The following OTOG variants were observed in gnomAD, a reference collection of about 807,000 sequenced individuals.
OTOG encodes otogelin.
Under a neutral mutation model 313.8 loss-of-function variants are expected in OTOG, and 296 were observed. The ratio of observed to expected loss-of-function variants is 0.94; its 90% CI spans 0.86 to 1.04. The LOEUF is 1.04. Among genes scored for constraint, OTOG ranks in the 50% least tolerant of loss-of-function variants. The pLI is 0.00. For missense variants in OTOG, 3,948 were observed against 3,840.1 expected (o/e 1.03, Z -0.74); for synonymous variants, 1,533 against 1,554.9 (o/e 0.99, Z 0.33).
At chr11:17,634,007 A>G in intron 43 of OTOG, 62 bp from the exon 44 acceptor site, 1 of 1,506,520 alleles carries the variant, frequency 6.6e-7, no homozygotes, top group South Asian at 1.2e-5. Context: ...GGGAGAGTCT[A>G]GCCTGGGAAG....
chr11:17,576,539 C>G lies in OTOG; in HGVS notation c.2487-17C>G. ...TCCTGAGCCTGCTCACCTTTCTTTG[C>G]TCCCATTTTTTTATAGGAACCAGTG... On this transcript the variant is annotated splice_polypyrimidine_tract_variant and intron_variant, in intron 20 of 55. Transcript: ENST00000399397. 1 of 1,546,796 alleles carries G rather than the reference C, an allele frequency of 6.5e-7. No individual in the cohort carries two copies.
In OTOG at chr11:17,570,596, G is replaced by C. The variant is rs971327301; in HGVS notation, c.1955+206G>C. Reference sequence around the variant, plus strand: ...TCCTCTATGTGTGGAATCACCTCAGGAGCTTGTTAAAACACTGATTCCTGA... The same window carrying C: ...TCCTCTATGTGTGGAATCACCTCAGCAGCTTGTTAAAACACTGATTCCTGA... On this transcript the variant is annotated intron_variant, in intron 17 of 55. Coordinates refer to ENST00000399397, the MANE Select transcript of OTOG (RefSeq NM_001292063.2). 1.2e-5 allele frequency: 6 copies of C among 507,760 alleles called. No individual in the cohort carries two copies. The Admixed American group carries it at 1.4e-4, about 12-fold the overall frequency. The allele number at this position is 507,760 out of a possible 1,614,324, so 31.5% of individuals were successfully genotyped here.
chr11:17,633,741 G>T lies in OTOG; in HGVS notation c.7134G>T (p.Lys2378Asn). 6.4e-7 allele frequency: 1 copy of T among 1,550,448 alleles called. No individual in the cohort carries two copies. The highest frequency in any genetic ancestry group is 1.2e-5 in the South Asian group (1 of 84,042). ...GTGTGACAGCCTGTGAGCCACCCAA[G>T]ACATGCCAGGATGGGATACTAGGGC... ...QACVTACEPPKTCQDGILGPL... is the reference protein window; with the variant it reads ...QACVTACEPPNTCQDGILGPL... The change falls in exon 43 of 56, where the codon AAG becomes AAT. Residue 2378 changes from lysine (K) to asparagine (N), a missense_variant. Lys to Asn is a moderately conservative substitution (Grantham distance 94). Transcript: ENST00000399397.
chr11:17,571,735 A>T (rs556871067), intron 17 of OTOG, among the ~76,000 whole-genome samples: 1 of 151,840 alleles, frequency 6.6e-6, no homozygotes, highest in African/African-American at 2.4e-5. Flanking sequence ...CCCTTTTGGG[A>T]CCTGTTAAAT....
chr11:17,639,227 G>A lies in OTOG; in HGVS notation c.7895-196G>A, dbSNP rs12290691. 2.8e-3 allele frequency among the ~76,000 whole-genome samples: 424 copies of A among 152,284 alleles called. 2 individuals carry two copies. The highest frequency in any genetic ancestry group is 9.7e-3 in the African/African-American group (403 of 41,568). ...TCACTGCCCACCTACCTAATCAGCAGAGCTGCAGGCCTTCTCCTGCCCCCA... is the reference window on the plus strand; with the variant it reads ...TCACTGCCCACCTACCTAATCAGCAAAGCTGCAGGCCTTCTCCTGCCCCCA... On this transcript the variant is annotated intron_variant, in intron 48 of 55. Transcript: ENST00000399397.
Position 17,566,197 on chromosome 11 carries a change from G to A in OTOG, c.1645-2959G>A, listed in dbSNP as rs1852290071. The stretch of plus-strand genomic sequence containing the variant: ...AATTCCTTATGTAACATGGTATATA[G>A]TATTTGCATATAACCTATGCTCATC... On this transcript the variant is annotated intron_variant, in intron 15 of 55. Transcript: ENST00000399397. Among the ~76,000 whole-genome samples, 5 of 152,218 alleles carry A rather than the reference G, an allele frequency of 3.3e-5. No homozygotes were observed. In the South Asian group the frequency reaches 1.0e-3, roughly 32 times the overall value.
chr11:17,576,951 C>T, intron 22 of OTOG, 40 bp downstream of exon 22: 1 of 1,540,652 alleles, frequency 6.5e-7, no homozygotes, highest in Non-Finnish European at 8.8e-7. Context: ...CTGGGGGCTC[C>T]ACATGGTAAA....
chr11:17,594,160 A>C lies in OTOG; in HGVS notation c.3402A>C (p.Ala1134=). The change falls in exon 28 of 56, where the codon GCA becomes GCC. Residue 1134 remains alanine, a synonymous_variant. Transcript: ENST00000399397. ...AGGAGTTTGGCAGCAGTTGGGCTGC[A>C]GTTGAGGTAAAGCCTCTCTTCCAGG... is the stretch of plus-strand genomic sequence containing the variant. The part of the protein sequence containing the change: ...NPQEFGSSWA[A]VECPDTLDPR... The C allele has an allele frequency of 1.9e-6, 3 of 1,550,628 alleles. No individual in the cohort carries two copies. Among genetic ancestry groups the C allele is most frequent in the Non-Finnish European group, 2.6e-6 (3 of 1,147,006 alleles).
intron 30 of OTOG, among the ~76,000 whole-genome samples, chr11:17,598,045 T>A (rs1853156179): frequency 6.6e-6 from 1 of 152,170 alleles, no homozygotes; most frequent in African/African-American, 2.4e-5. Flanking sequence ...TACTGACATG[T>A]CCAGAGCCCT....
intron 2 of OTOG, 78 bp from the exon 3 acceptor site, chr11:17,548,074 G>A: frequency 7.0e-7 from 1 of 1,436,866 alleles, no homozygotes; most frequent in South Asian, 1.4e-5. Flanking sequence ...AGCACTTAGG[G>A]TGGGATAGGC....
At chr11:17,636,887 C>T (rs1310077194) in intron 47 of OTOG, among the ~76,000 whole-genome samples, 1 of 151,908 alleles carries the variant, frequency 6.6e-6, no homozygotes, top group African/African-American at 2.4e-5. Context: ...TGTAAAATAG[C>T]GATGCTAGTA....
At position 17,561,147 on chromosome 11, in the gene OTOG, C is replaced by T. The variant is rs1383275036; in HGVS notation, c.1498+10C>T. The T allele has an allele frequency of 2.6e-6, 4 of 1,550,296 alleles. No individual in the cohort carries two copies. The highest frequency in any genetic ancestry group is 2.6e-6 in the Non-Finnish European group (3 of 1,146,898). On this transcript the variant is annotated intron_variant, in intron 14 of 55. Coordinates refer to ENST00000399397, the MANE Select transcript of OTOG (RefSeq NM_001292063.2). The stretch of plus-strand genomic sequence containing the variant: ...ACAGCTGTCTGCCCAGGTATGTCTG[C>T]CCCCCACCTTGCACTAGGATCCCTT...
rs1405963851 is a variant in OTOG, at chr11:17,561,684, C to T, written c.1521C>T (p.Asp507=). The T allele has an allele frequency of 6.4e-7, 1 of 1,550,544 alleles. No homozygotes were observed. The highest frequency in any genetic ancestry group is 2.4e-5 in the East Asian group (1 of 40,900). Reference sequence around the variant, plus strand: ...CAGCTGAGTGCTCAGTGACTGGTGACATTCACTTCACAACCTTTGATGGCC... The same window carrying T: ...CAGCTGAGTGCTCAGTGACTGGTGATATTCACTTCACAACCTTTGATGGCC... ...VCPAECSVTG[D]IHFTTFDGRR... is the part of the protein sequence containing the mutation. The change falls in exon 15 of 56, where the codon GAC becomes GAT. Residue 507 remains aspartate (D), a synonymous_variant. Coordinates refer to ENST00000399397, the MANE Select transcript of OTOG (RefSeq NM_001292063.2).
intron 31 of OTOG, 30 bp downstream of exon 31, chr11:17,599,727 A>G: frequency 6.5e-7 from 1 of 1,548,270 alleles, no homozygotes; most frequent in South Asian, 1.2e-5. Context: ...GCAGAGTCTC[A>G]GGGGCTCAGG....
At chr11:17,562,823 C>T (rs937884172) in intron 15 of OTOG, among the ~76,000 whole-genome samples, 2 of 152,186 alleles carry the variant, frequency 1.3e-5, no homozygotes, top group Admixed American at 6.5e-5. Flanking sequence ...TTTTGTCCTT[C>T]CTTCTGCAAA....
At chr11:17,548,512 A>G (rs1176302806) in intron 3 of OTOG, among the ~76,000 whole-genome samples, 1 of 142,218 alleles carries the variant, frequency 7.0e-6, no homozygotes, top group East Asian at 2.2e-4. Context: ...CCCTTCTGGC[A>G]GGTAAAAGTA....
chr11:17,620,970 C>A (rs1853851090), intron 39 of OTOG, among the ~76,000 whole-genome samples: 1 of 152,152 alleles, frequency 6.6e-6, no homozygotes, highest in South Asian at 2.1e-4. Context: ...ATATCATGAA[C>A]ATCTCACCTT....
chr11:17,625,962 T>C (rs1853974939), intron 39 of OTOG, among the ~76,000 whole-genome samples: 1 of 152,210 alleles, frequency 6.6e-6, no homozygotes, highest in Non-Finnish European at 1.5e-5. Flanking sequence ...TAATCCATTT[T>C]GATTTGATTC....
At chr11:17,552,585 T>TCCCACCTGTCCTGTGTCC (rs1589992567) in intron 4 of OTOG, among the ~76,000 whole-genome samples, 61 of 59,212 alleles carry the variant, frequency 1.0e-3, no homozygotes, top group Non-Finnish European at 9.7e-4. Context: ...GTCCTGTGTC[T>TCCCACCTGTCCTGTGTCC]CCCACCTGTC....
Sources: gnomAD v4.1 joint callset for allele counts (sites outside exome capture counted in the v4.1 genomes callset) on GRCh38, gnomAD v4.1.1 for gene constraint, MANE v1.5 for transcripts, NCBI Gene and HGNC (gene_info 2026-07-23, HGNC 2026-07-21) for gene names.